The following TRAPPC3L variants were observed in gnomAD, a reference collection of about 807,000 sequenced individuals.
TRAPPC3L encodes the protein trafficking protein particle complex subunit 3-like protein.
A neutral mutation model predicts 23.7 loss-of-function variants in TRAPPC3L; 23 were observed. The ratio of observed to expected loss-of-function variants is 0.97; its 90% confidence interval spans 0.70 to 1.37. The LOEUF is 1.37. TRAPPC3L is among the 40% of genes most tolerant of loss of function. The pLI is 0.00. For missense variants in TRAPPC3L, 212 were observed against 216.8 expected, an observed-to-expected ratio of 0.98 and a Z score of 0.14; for synonymous variants, 81 against 77.9, an observed-to-expected ratio of 1.04 and a Z score of -0.21.
chr6:116,525,225 G>A (rs574832403), intron 3 of TRAPPC3L, among the ~76,000 whole-genome samples: 5 of 152,288 alleles, frequency 3.3e-5, no homozygotes, highest in African/African-American at 9.6e-5. Context: ...AGCCAGTGGT[G>A]TGTGAATTCC....
At chr6:116,508,011 T>A (rs566357161) in intron 3 of TRAPPC3L, among the ~76,000 whole-genome samples, 1 of 152,332 alleles carries the variant, frequency 6.6e-6, no homozygotes, top group Admixed American at 6.5e-5. Flanking sequence ...AGGCCTGGAC[T>A]TTGAAGTTTA....
chr6:116,538,132 T>C (rs1773209640), intron 3 of TRAPPC3L, among the ~76,000 whole-genome samples: 2 of 152,232 alleles, frequency 1.3e-5, no homozygotes, highest in African/African-American at 4.8e-5. Flanking sequence ...CCTTATGTTC[T>C]TCTGATTAAA....
intron 2 of TRAPPC3L, among the ~76,000 whole-genome samples, chr6:116,542,204 C>G (rs1396927837): frequency 6.6e-6 from 1 of 152,098 alleles, no homozygotes; most frequent in African/African-American, 2.4e-5. Context: ...TATAGACAGA[C>G]AGTTCAGCTA....
intron 2 of TRAPPC3L, among the ~76,000 whole-genome samples, chr6:116,541,983 A>G (rs966714152): frequency 3.3e-5 from 5 of 152,178 alleles, no homozygotes; most frequent in Non-Finnish European, 4.4e-5. Context: ...TTATTCTTTA[A>G]TATTTCTTTC....
intron 3 of TRAPPC3L, among the ~76,000 whole-genome samples, chr6:116,529,368 A>C (rs188299013): frequency 1.3e-5 from 2 of 152,028 alleles, no homozygotes; most frequent in South Asian, 2.1e-4. Flanking sequence ...GATATTAAAA[A>C]ATTTTAGAAT....
At position 116,500,479 on chromosome 6, in the gene TRAPPC3L, A is replaced by C; in HGVS notation, c.426+2T>G. 1 of 1,546,112 alleles carries C rather than the reference A, an allele frequency of 6.5e-7. No individual in the cohort carries two copies. Among genetic ancestry groups the C allele is most frequent in the Non-Finnish European group, 8.7e-7 (1 of 1,144,510 alleles). On this transcript the variant is annotated splice_donor_variant, in intron 4 of 4. Coordinates refer to ENST00000368602, the MANE Select transcript of TRAPPC3L (RefSeq NM_001139444.3). LOFTEE classifies it high-confidence loss of function. ...ATTCATTCTTCACTTATTCAACTTTACCATTTCCAAGGCACCTCTGATAAT... is the reference window on the plus strand; with the variant it reads ...ATTCATTCTTCACTTATTCAACTTTCCCATTTCCAAGGCACCTCTGATAAT...
chr6:116,501,513 G>C (rs1771915055), intron 3 of TRAPPC3L, among the ~76,000 whole-genome samples: 2 of 152,224 alleles, frequency 1.3e-5, no homozygotes, highest in Non-Finnish European at 2.9e-5. Flanking sequence ...AGAGAGCAGT[G>C]GTTCTTCCAG....
At chr6:116,542,979 T>A (rs1449522990) in intron 2 of TRAPPC3L, among the ~76,000 whole-genome samples, 1 of 152,146 alleles carries the variant, frequency 6.6e-6, no homozygotes, top group East Asian at 1.9e-4. Context: ...TAAAATTTGA[T>A]GTTCCCTCAT....
At chr6:116,511,701 A>G (rs1488324576) in intron 3 of TRAPPC3L, 1 of 1,613,082 alleles carries the variant, frequency 6.2e-7, no homozygotes, top group Non-Finnish European at 8.5e-7. Context: ...TCCAACATGG[A>G]TGCTTTTCAG....
Position 116,543,311 on chromosome 6 carries a change from T to C in TRAPPC3L, c.132A>G (p.Leu44=). 1 of 1,548,324 alleles carries C rather than the reference T, an allele frequency of 6.5e-7. No individual in the cohort carries two copies. The highest frequency in any genetic ancestry group is 1.4e-5 in the African/African-American group (1 of 73,038). The change falls in exon 2 of 5, where the codon TTA becomes TTG. Residue 44 remains leucine, a synonymous_variant. Coordinates refer to ENST00000368602, the MANE Select transcript of TRAPPC3L (RefSeq NM_001139444.3). ...GAAGGACTTCCACTTACATTTTATCTAAATATTGGTTCACATCTTCATCCT... is the reference window on the plus strand; with the variant it reads ...GAAGGACTTCCACTTACATTTTATCCAAATATTGGTTCACATCTTCATCCT... ...YEKDEDVNQY[L]DKMGYGIGTR... is the part of the protein sequence containing the mutation.
intron 3 of TRAPPC3L, among the ~76,000 whole-genome samples, chr6:116,530,609 C>T (rs999973858): frequency 2.6e-5 from 4 of 152,054 alleles, no homozygotes; most frequent in African/African-American, 9.7e-5. Context: ...TAATGTCTGC[C>T]CCACTCTTGC....
In TRAPPC3L at chr6:116,495,881, TTTTC is replaced by T. The variant is rs1275461039; in HGVS notation, c.*1069_*1072del. 1 of 152,134 alleles carries T rather than the reference TTTTC, an allele frequency of 6.6e-6. No homozygotes were observed. The highest frequency in any genetic ancestry group is 2.4e-5 in the African/African-American group (1 of 41,426). The allele number at this position is 152,134 out of a possible 1,614,324, so 9.4% of individuals were successfully genotyped here. A position where few individuals can be genotyped will look rare whatever the true frequency, so the allele number is the denominator to read the frequency against. On this transcript the variant is annotated 3_prime_UTR_variant, in exon 5 of 5. Coordinates refer to ENST00000368602, the MANE Select transcript of TRAPPC3L (RefSeq NM_001139444.3). ...TTTAATTGGATTATTAATTTTAATT[TTTTC>T]CTATGGAGTTGGTTGAACTCCTTAT...
chr6:116,516,289 A>C, intron 3 of TRAPPC3L: 1 of 251,216 alleles, frequency 4.0e-6, no homozygotes. Context: ...GAGAGGGCTC[A>C]TCAGTCTCTG....
chr6:116,496,799 AC>A lies in TRAPPC3L; in HGVS notation c.*154del, dbSNP rs1284583791. 9.3e-7 allele frequency: 1 copy of A among 1,076,382 alleles called. No individual in the cohort carries two copies. The highest frequency in any genetic ancestry group is 1.7e-5 in the African/African-American group (1 of 59,424). 66.7% of individuals were successfully genotyped at this position (1,076,382 alleles called of 1,614,324 possible). A position where few individuals can be genotyped will look rare whatever the true frequency, so the allele number is the denominator to read the frequency against. ...GATTTATAAGCAAAAGGAAAAAAAA[AC>A]CTTTAAGCCTTCATGCCCTGCATTT... On this transcript the variant is annotated 3_prime_UTR_variant, in exon 5 of 5. Coordinates refer to ENST00000368602, the MANE Select transcript of TRAPPC3L (RefSeq NM_001139444.3).
chr6:116,544,740 G>T (rs1193238039), intron 1 of TRAPPC3L, among the ~76,000 whole-genome samples: 1 of 152,066 alleles, frequency 6.6e-6, no homozygotes, highest in Admixed American at 6.6e-5. Flanking sequence ...GGAGGTATCT[G>T]CAGGCATTTC....
intron 3 of TRAPPC3L, among the ~76,000 whole-genome samples, chr6:116,514,266 G>A (rs1324727965): frequency 6.6e-6 from 1 of 152,168 alleles, no homozygotes. Flanking sequence ...CTCAGGTACT[G>A]AGATGAGATG....
intron 2 of TRAPPC3L, among the ~76,000 whole-genome samples, chr6:116,541,434 CAA>C (rs759747797): frequency 6.6e-6 from 1 of 152,164 alleles, no homozygotes; most frequent in Non-Finnish European, 1.5e-5. Context: ...AAATGCCCAA[CAA>C]GACACCACAG....
At chr6:116,511,624 C>A in intron 3 of TRAPPC3L, 1 of 1,404,968 alleles carries the variant, frequency 7.1e-7, no homozygotes. Context: ...AGAAAGAGCT[C>A]CACCCTCGGC....
At chr6:116,532,608 T>C (rs1305888900) in intron 3 of TRAPPC3L, among the ~76,000 whole-genome samples, 1 of 152,240 alleles carries the variant, frequency 6.6e-6, no homozygotes, top group Non-Finnish European at 1.5e-5. Flanking sequence ...CAAAATTTAC[T>C]AGTATTATCA....
Sources: allele counts gnomAD v4.1 joint callset (sites outside exome capture counted in the v4.1 genomes callset), GRCh38; gene constraint gnomAD v4.1.1; transcripts MANE v1.5; gene names NCBI Gene and HGNC (gene_info 2026-07-23, HGNC 2026-07-21).